The following ZNF707 variants were observed in gnomAD, a reference collection of about 807,000 sequenced individuals.
ZNF707 encodes the protein zinc finger protein 707.
In ZNF707, 8 loss-of-function variants were observed where a neutral mutation model predicts 13.3. That is an observed-to-expected ratio of 0.60 (90% CI 0.35 to 1.09). ZNF707 has a LOEUF of 1.09. Among genes scored for constraint, ZNF707 ranks in the 50% least tolerant of loss-of-function variants. The pLI is 0.02. For synonymous variants in ZNF707, 225 were observed against 205.6 expected (o/e 1.09, Z -0.81); for missense variants, 530 against 512.6 (o/e 1.03, Z -0.33).
rs782193862 is a variant in ZNF707, at chr8:143,693,283, C to CTTT, written c.257-375_257-373dup. Among the ~76,000 whole-genome samples, 1 of 141,848 alleles carries CTTT rather than the reference C, an allele frequency of 7.0e-6. No homozygotes were observed. 93.1% of individuals were successfully genotyped at this position (141,848 alleles called of 152,430 possible). A position where few individuals can be genotyped will look rare whatever the true frequency, so the allele number is the denominator to read the frequency against. ...GCACACAGCAGGAGGGTCCTCTGGG[C>CTTT]TTTTTTTTTTTTTTTGAGACGGAGT... is the stretch of plus-strand genomic sequence containing the variant. On this transcript the variant is annotated intron_variant, in intron 5 of 5. Transcript: ENST00000358656. This position sits in a 1 kb window ranked among gnomAD's most constrained non-coding sequence, Gnocchi z 4.1.
chr8:143,693,680 A>C lies in ZNF707; in HGVS notation c.266A>C (p.Lys89Thr). The part of the protein sequence containing the change: ...VQRGPRPGAR[K>T]SADPKRPCDH... ...TCTGTTCCTTCCACAGGGGCAAGGAAGTCTGCAGACCCCAAGAGACCTTGT... is the reference window on the plus strand; with the variant it reads ...TCTGTTCCTTCCACAGGGGCAAGGACGTCTGCAGACCCCAAGAGACCTTGT... Residue 89 changes from lysine to threonine, a missense_variant, in exon 6 of 6, where the codon AAG (lysine) becomes ACG (threonine). Transcript: ENST00000358656. This position sits in a 1 kb window ranked among gnomAD's most constrained non-coding sequence, Gnocchi z 4.1. The C allele has an allele frequency of 6.3e-7, 1 of 1,587,040 alleles. No homozygotes were observed. The highest frequency in any genetic ancestry group is 8.6e-7 in the Non-Finnish European group (1 of 1,167,754).
intron 4 of ZNF707, 171 bp downstream of exon 4, chr8:143,691,370 C>G: frequency 7.9e-7 from 1 of 1,260,266 alleles, no homozygotes; most frequent in Non-Finnish European, 1.1e-6. Flanking sequence ...GCGTTTCTCT[C>G]GGGCTCCCTG....
chr8:143,693,854 C>T lies in ZNF707; in HGVS notation c.440C>T (p.Ala147Val). ...GAAAGGACAGACGCCAAGCCCACGGCTTTCCCGTGTCAGGTGCTCACGCAG... is the reference window on the plus strand; with the variant it reads ...GAAAGGACAGACGCCAAGCCCACGGTTTTCCCGTGTCAGGTGCTCACGCAG... ...APERTDAKPT[A>V]FPCQVLTQRC... The change falls in exon 6 of 6, where the codon GCT becomes GTT. Residue 147 changes from alanine to valine, a missense_variant. Physicochemically the swap from Ala to Val is moderately conservative, Grantham distance 64. Coordinates refer to ENST00000358656, the MANE Select transcript of ZNF707 (RefSeq NM_001100598.2). The surrounding 1 kb of genome is among the most constrained non-coding windows in gnomAD (Gnocchi z 4.1). 1.2e-6 allele frequency: 2 copies of T among 1,610,942 alleles called. No homozygotes were observed. Among genetic ancestry groups the T allele is most frequent in the Non-Finnish European group, 1.7e-6 (2 of 1,178,812 alleles).
chr8:143,690,037 T>TA lies in ZNF707; in HGVS notation c.-52-19dup. On this transcript the variant is annotated intron_variant, in intron 2 of 5. Coordinates refer to ENST00000358656, the MANE Select transcript of ZNF707 (RefSeq NM_001100598.2). ...CATTCCCAGGCCGGCTATACCCGCT[T>TA]ACATTTCTTGTCTCCCCAGATCTGC... 1 of 1,602,764 alleles carries TA rather than the reference T, an allele frequency of 6.2e-7. No individual in the cohort carries two copies.
At position 143,693,667 on chromosome 8, in the gene ZNF707, A is replaced by T. The variant is rs782009333; in HGVS notation, c.257-4A>T. The T allele has an allele frequency of 6.4e-7, 1 of 1,569,992 alleles. No individual in the cohort carries two copies. Among genetic ancestry groups the T allele is most frequent in the East Asian group, 2.2e-5 (1 of 44,632 alleles). On this transcript the variant is annotated splice_region_variant and splice_polypyrimidine_tract_variant and intron_variant, in intron 5 of 5. Coordinates refer to ENST00000358656, the MANE Select transcript of ZNF707 (RefSeq NM_001100598.2). The surrounding 1 kb of genome is among the most constrained non-coding windows in gnomAD (Gnocchi z 4.1). ...CTGTGTAAGGGTGTCTGTTCCTTCC[A>T]CAGGGGCAAGGAAGTCTGCAGACCC...
In ZNF707 at chr8:143,691,976, A is replaced by G. The variant is rs782554699; in HGVS notation, c.256+263A>G. On this transcript the variant is annotated intron_variant, in intron 5 of 5. Transcript: ENST00000358656. ...GCAGCTCGGAGGGGCCTGAGGCTGG[A>G]GTGACACTTGAAGCCTGCACCTAGC... The G allele has an allele frequency of 3.5e-6, 5 of 1,423,532 alleles. No homozygotes were observed. In the South Asian group the frequency reaches 4.9e-5, roughly 14 times the overall value. The allele number at this position is 1,423,532 out of a possible 1,614,324, so 88.2% of individuals were successfully genotyped here. A position where few individuals can be genotyped will look rare whatever the true frequency, so the allele number is the denominator to read the frequency against.
chr8:143,693,638 G>A lies in ZNF707; in HGVS notation c.257-33G>A. 6.6e-7 allele frequency: 1 copy of A among 1,507,872 alleles called. No homozygotes were observed. Among genetic ancestry groups the A allele is most frequent in the Non-Finnish European group, 8.9e-7 (1 of 1,129,798 alleles). The allele number at this position is 1,507,872 out of a possible 1,614,324, so 93.4% of individuals were successfully genotyped here. A position where few individuals can be genotyped will look rare whatever the true frequency, so the allele number is the denominator to read the frequency against. On this transcript the variant is annotated intron_variant, in intron 5 of 5. Coordinates refer to ENST00000358656, the MANE Select transcript of ZNF707 (RefSeq NM_001100598.2). This position sits in a 1 kb window ranked among gnomAD's most constrained non-coding sequence, Gnocchi z 4.1. Reference sequence around the variant, plus strand: ...AGGCACTGCCTGGCTGTGGGCCACTGGCTCTGTGTAAGGGTGTCTGTTCCT... The same window carrying A: ...AGGCACTGCCTGGCTGTGGGCCACTAGCTCTGTGTAAGGGTGTCTGTTCCT...
Position 143,693,644 on chromosome 8 carries a change from G to A in ZNF707, c.257-27G>A, listed in dbSNP as rs1395457834. On this transcript the variant is annotated intron_variant, in intron 5 of 5. Coordinates refer to ENST00000358656, the MANE Select transcript of ZNF707 (RefSeq NM_001100598.2). This position sits in a 1 kb window ranked among gnomAD's most constrained non-coding sequence, Gnocchi z 4.1. Reference sequence around the variant, plus strand: ...TGCCTGGCTGTGGGCCACTGGCTCTGTGTAAGGGTGTCTGTTCCTTCCACA... The same window carrying A: ...TGCCTGGCTGTGGGCCACTGGCTCTATGTAAGGGTGTCTGTTCCTTCCACA... 2 of 1,541,060 alleles carry A rather than the reference G, an allele frequency of 1.3e-6. No individual in the cohort carries two copies. The highest frequency in any genetic ancestry group is 2.7e-5 in the African/African-American group (2 of 72,820).
At position 143,694,060 on chromosome 8, in the gene ZNF707, G is replaced by C. The variant is rs1554614548; in HGVS notation, c.646G>C (p.Ala216Pro). ...CPECGQTFRW[A>P]SNLQRHQKNH... ...CGAGTGCGGCCAGACCTTCCGGTGG[G>C]CTTCAAACCTGCAGCGCCACCAGAA... Residue 216 changes from alanine (A) to proline (P), a missense_variant, in exon 6 of 6, where the codon GCT becomes CCT. Transcript: ENST00000358656. This position sits in a 1 kb window ranked among gnomAD's most constrained non-coding sequence, Gnocchi z 4.4. 1.2e-6 allele frequency: 2 copies of C among 1,606,292 alleles called. No individual in the cohort carries two copies. Among genetic ancestry groups the C allele is most frequent in the African/African-American group, 2.7e-5 (2 of 74,470 alleles).
In ZNF707 at chr8:143,694,724, C is replaced by T. The variant is rs902873805; in HGVS notation, c.*194C>T. On this transcript the variant is annotated 3_prime_UTR_variant, in exon 6 of 6. Transcript: ENST00000358656. The surrounding 1 kb of genome is among the most constrained non-coding windows in gnomAD (Gnocchi z 4.4). ...GGTGGGAGAAGCAGAGCCATGGGTA[C>T]GCCGGAGATGGCGGGGGCTCTGGAG... The T allele has an allele frequency of 3.2e-6, 2 of 625,162 alleles. No homozygotes were observed. The highest frequency in any genetic ancestry group is 3.4e-5 in the Admixed American group (1 of 29,588). The allele number at this position is 625,162 out of a possible 1,614,324, so 38.7% of individuals were successfully genotyped here. A position where few individuals can be genotyped will look rare whatever the true frequency, so the allele number is the denominator to read the frequency against.
rs782235626 is a variant in ZNF707, at chr8:143,694,308, G to GA, written c.895dup (p.Thr299AsnfsTer163). On this transcript the variant is annotated frameshift_variant, in exon 6 of 6. Transcript: ENST00000358656. LOFTEE classifies it low-confidence loss of function (END_TRUNC). This position sits in a 1 kb window ranked among gnomAD's most constrained non-coding sequence, Gnocchi z 4.4. ...GCGCGGACTGCGGCAAAGCCTTCCG[G>GA]ACCAAGGAGAACCTCAGCCACCACC... 63 of 1,601,364 alleles carry GA rather than the reference G, an allele frequency of 3.9e-5. No homozygotes were observed. Among genetic ancestry groups the GA allele is most frequent in the Non-Finnish European group, 4.9e-5 (58 of 1,172,302 alleles).
chr8:143,694,434 G>A lies in ZNF707; in HGVS notation c.1020G>A (p.Thr340=). The A allele has an allele frequency of 6.2e-7, 1 of 1,612,482 alleles. No homozygotes were observed. ...GCATCCACCGGAGGCTGCACCTGAC[G>A]AAGAGGTTCTACGAGTGCGGCCACT... is the stretch of plus-strand genomic sequence containing the variant. The part of the protein sequence containing the change: ...GFSIHRRLHL[T]KRFYECGHCG... Residue 340 remains threonine, a synonymous_variant, in exon 6 of 6, where the codon ACG becomes ACA. Coordinates refer to ENST00000358656, the MANE Select transcript of ZNF707 (RefSeq NM_001100598.2). This position sits in a 1 kb window ranked among gnomAD's most constrained non-coding sequence, Gnocchi z 4.4.
rs1563731431 is a variant in ZNF707 at position 143,694,069 on chromosome 8, C to T, written c.655C>T (p.Leu219=). The change falls in exon 6 of 6, where the codon CTG becomes TTG. Residue 219 remains leucine (L), a synonymous_variant. Transcript: ENST00000358656. The surrounding 1 kb of genome is among the most constrained non-coding windows in gnomAD (Gnocchi z 4.4). The part of the protein sequence containing the change: ...CGQTFRWASN[L]QRHQKNHTRE... ...CCAGACCTTCCGGTGGGCTTCAAAC[C>T]TGCAGCGCCACCAGAAGAACCACAC... 1.2e-6 allele frequency: 2 copies of T among 1,607,368 alleles called. No individual in the cohort carries two copies. The highest frequency in any genetic ancestry group is 4.5e-5 in the East Asian group (2 of 44,656).
rs1233291532 is a variant in ZNF707, at chr8:143,694,741, GCTC to G, written c.*212_*214del. ...CATGGGTACGCCGGAGATGGCGGGG[GCTC>G]TGGAGATGGCGGGGGCTGCGCCCCG... On this transcript the variant is annotated 3_prime_UTR_variant, in exon 6 of 6. Coordinates refer to ENST00000358656, the MANE Select transcript of ZNF707 (RefSeq NM_001100598.2). The surrounding 1 kb of genome is among the most constrained non-coding windows in gnomAD (Gnocchi z 4.4). The G allele has an allele frequency of 1.2e-5, 7 of 579,862 alleles. No homozygotes were observed. The highest frequency in any genetic ancestry group is 2.0e-5 in the Non-Finnish European group (7 of 347,164). 35.9% of individuals were successfully genotyped at this position (579,862 alleles called of 1,614,324 possible). A position where few individuals can be genotyped will look rare whatever the true frequency, so the allele number is the denominator to read the frequency against.
At chr8:143,691,003 C>G (rs1299074589) in intron 3 of ZNF707, 70 bp from the exon 4 acceptor site, 1 of 1,584,064 alleles carries the variant, frequency 6.3e-7, no homozygotes, top group Non-Finnish European at 8.6e-7. Context: ...TTCCCCCTTC[C>G]CACCCAGACC....
intron 1 of ZNF707, among the ~76,000 whole-genome samples, chr8:143,687,824 A>T (rs1816429017): frequency 6.6e-6 from 1 of 152,150 alleles, no homozygotes; most frequent in African/African-American, 2.4e-5. Flanking sequence ...GGGTTGAAGA[A>T]GTTCTCTTCT....
At chr8:143,691,817 G>T in intron 5 of ZNF707, 104 bp downstream of exon 5, 1 of 1,088,664 alleles carries the variant, frequency 9.2e-7, no homozygotes, top group Non-Finnish European at 1.3e-6. Context: ...TCCTTCCCAT[G>T]GGAGAGCAGA....
chr8:143,691,847 T>G, intron 5 of ZNF707, 134 bp downstream of exon 5: 1 of 976,490 alleles, frequency 1.0e-6, no homozygotes, highest in Non-Finnish European at 1.5e-6. Context: ...GCTCTCTAAA[T>G]TAGACAGGCA....
rs781959932 is a variant in ZNF707, at chr8:143,694,003, GTGCA to G, written c.590_593del (p.Val197AlafsTer46). The G allele has an allele frequency of 1.9e-6, 3 of 1,604,688 alleles. No homozygotes were observed. The highest frequency in any genetic ancestry group is 1.7e-5 in the Admixed American group (1 of 59,172). On this transcript the variant is annotated frameshift_variant, in exon 6 of 6. Transcript: ENST00000358656. LOFTEE classifies it low-confidence loss of function (END_TRUNC). This position sits in a 1 kb window ranked among gnomAD's most constrained non-coding sequence, Gnocchi z 4.4. The stretch of plus-strand genomic sequence containing the variant: ...CAGCCGGCTGCTCGCTCACCAGACG[GTGCA>G]CACGGGAACCAAGGCCTTCGAGTGC...
Sources: gnomAD v4.1 joint callset for allele counts (sites outside exome capture counted in the v4.1 genomes callset) on GRCh38, gnomAD v4.1.1 for gene constraint, Gnocchi (gnomAD v3.1) non-coding constraint, MANE v1.5 for transcripts, NCBI Gene and HGNC (gene_info 2026-07-23, HGNC 2026-07-21) for gene names.